The following HYDIN variants were observed in gnomAD, a reference collection of about 807,000 sequenced individuals.
HYDIN encodes HYDIN axonemal central pair apparatus protein, also known as axonemal central pair apparatus protein HYDIN.
Under a neutral mutation model 403.9 loss-of-function variants are expected in HYDIN, and 132 were observed. That is an observed-to-expected ratio of 0.33 (90% confidence interval 0.28 to 0.38). HYDIN has a LOEUF of 0.38. Among genes scored for constraint, HYDIN ranks in the 10% least tolerant of loss-of-function variants. HYDIN has a pLI of 1.00. For synonymous variants in HYDIN, 1,202 were observed against 1,891.7 expected (o/e 0.64, Z 9.46); for missense variants, 2,827 against 5,009.5 (o/e 0.56, Z 13.15).
At position 71,178,966 on chromosome 16, in the gene HYDIN, C is replaced by G. The variant is rs1188240047; in HGVS notation, c.343G>C (p.Val115Leu). The G allele has an allele frequency of 6.2e-7, 1 of 1,612,264 alleles. No homozygotes were observed. The highest frequency in any genetic ancestry group is 1.3e-5 in the African/African-American group (1 of 74,866). ...IIFQNYTPCE[V>L]YEVPLILRNN... ...CTCAAAATCAGTGGAACTTCATAGA[C>G]TTCACAGGGAGTGTAGTTCTGAAAT... The change falls in exon 4 of 86, where the codon GTC becomes CTC. Residue 115 changes from valine (V) to leucine (L), a missense_variant. Physicochemically the swap from Val to Leu is conservative, Grantham distance 32 (BLOSUM62 1). Transcript: ENST00000393567.
intron 75 of HYDIN, among the ~76,000 whole-genome samples, chr16:70,841,312 G>C (rs1228008812): frequency 6.6e-6 from 1 of 152,166 alleles, no homozygotes; most frequent in South Asian, 2.1e-4. Context: ...AGAGTAGAAA[G>C]ATCTTGTAAC....
chr16:71,007,669 A>T (rs1399928913), intron 23 of HYDIN, among the ~76,000 whole-genome samples: 36 of 135,288 alleles, frequency 2.7e-4, no homozygotes, highest in Non-Finnish European at 1.1e-4. Flanking sequence ...GGTGAGGCAG[A>T]GGAAAAAAGG....
At chr16:71,041,253 G>A (rs1352688385) in intron 18 of HYDIN, among the ~76,000 whole-genome samples, 2 of 149,008 alleles carry the variant, frequency 1.3e-5, no homozygotes, top group Admixed American at 6.7e-5. Flanking sequence ...AAGAATCTAG[G>A]AGTGATATTT....
At chr16:71,102,307 T>C (rs2083480939) in intron 10 of HYDIN, among the ~76,000 whole-genome samples, 1 of 152,072 alleles carries the variant, frequency 6.6e-6, no homozygotes, top group African/African-American at 2.4e-5. Context: ...ATTCCTTATA[T>C]CTTAACTATA....
At chr16:70,961,190 G>A (rs1030815585) in intron 38 of HYDIN, among the ~76,000 whole-genome samples, 19 of 152,188 alleles carry the variant, frequency 1.2e-4, no homozygotes, top group Admixed American at 3.3e-4. Flanking sequence ...CAGGGTGTAT[G>A]GGGTGGGGAG....
chr16:70,897,625 A>G (rs2076242525), intron 53 of HYDIN, among the ~76,000 whole-genome samples: 1 of 144,072 alleles, frequency 6.9e-6, no homozygotes, highest in Non-Finnish European at 1.5e-5. Context: ...GGTCGGAGGC[A>G]GTGGGGAGGC....
At chr16:71,133,044 T>C in intron 8 of HYDIN, 1 of 341,902 alleles carries the variant, frequency 2.9e-6, no homozygotes, top group Non-Finnish European at 5.7e-6. Context: ...ACAAATGGTC[T>C]AGTAGCTACC....
intron 67 of HYDIN, 28 bp from the exon 68 acceptor site, chr16:70,863,210 A>C (rs79973256): frequency 6.2e-7 from 1 of 1,605,654 alleles, no homozygotes. Context: ...AGCAGATTTG[A>C]GAAATGTGCT....
intron 18 of HYDIN, among the ~76,000 whole-genome samples, chr16:71,054,085 T>C (rs1291415405): frequency 2.0e-5 from 3 of 152,264 alleles, no homozygotes; most frequent in Non-Finnish European, 1.5e-5. Context: ...GGAGTGGGTA[T>C]GTGTTGAGAA....
At position 71,093,929 on chromosome 16, in the gene HYDIN, T is replaced by C. The variant is rs2083194520; in HGVS notation, c.1334A>G (p.Glu445Gly). 1 of 1,613,282 alleles carries C rather than the reference T, an allele frequency of 6.2e-7. No homozygotes were observed. The highest frequency in any genetic ancestry group is 1.1e-5 in the South Asian group (1 of 90,944). The change falls in exon 11 of 86, where the codon GAA (glutamate) becomes GGA (glycine). Residue 445 changes from glutamate (E) to glycine (G), a missense_variant. Physicochemically the swap from Glu to Gly is moderately conservative, Grantham distance 98. Coordinates refer to ENST00000393567, the MANE Select transcript of HYDIN (RefSeq NM_001270974.2). ...TTTGATTCGGAGGGGCAGACGGATT[T>C]CTCGGCCTAGAAAAACAATTCAGAC... is the stretch of plus-strand genomic sequence containing the variant. ...QTIYCDILGR[E>G]IRLPLRIKGE...
intron 1 of HYDIN, among the ~76,000 whole-genome samples, chr16:71,212,174 G>A (rs2088627903): frequency 6.6e-6 from 1 of 152,114 alleles, no homozygotes; most frequent in African/African-American, 2.4e-5. Flanking sequence ...ATATGAATAT[G>A]GATTGTAAAT....
At chr16:71,063,951 G>A (rs1597686266) in intron 16 of HYDIN, among the ~76,000 whole-genome samples, 2 of 141,460 alleles carry the variant, frequency 1.4e-5, no homozygotes, top group African/African-American at 2.5e-5. Context: ...AATTCTCTGC[G>A]GCAGCCTAAA....
chr16:71,195,761 AAAAG>A (rs1481889487), intron 1 of HYDIN, among the ~76,000 whole-genome samples: 4 of 152,216 alleles, frequency 2.6e-5, no homozygotes, highest in African/African-American at 9.6e-5. Context: ...TTAGGTAGAT[AAAAG>A]AAAGACAGAT....
intron 83 of HYDIN, among the ~76,000 whole-genome samples, chr16:70,826,211 C>T (rs2143486000): frequency 8.3e-6 from 1 of 121,018 alleles, no homozygotes; most frequent in Middle Eastern, 3.6e-3. Context: ...GTCCCAATTT[C>T]TCCACATCCT....
At position 70,868,692 on chromosome 16, in the gene HYDIN, G is replaced by A; in HGVS notation, c.11188C>T (p.Leu3730Phe). 1.2e-6 allele frequency: 2 copies of A among 1,614,156 alleles called. No homozygotes were observed. Among genetic ancestry groups the A allele is most frequent in the Non-Finnish European group, 1.7e-6 (2 of 1,180,032 alleles). ...NLKNMRIRCK[L>F]SRIMFQLPAD... ...GGGAGCTGAAACATAATCCTGGAGA[G>A]CTTGCACCTGATCCGCATATTCTTT... is the stretch of plus-strand genomic sequence containing the variant. Residue 3730 changes from leucine (L) to phenylalanine (F), a missense_variant, in exon 66 of 86, where the codon CTC (leucine) becomes TTC (phenylalanine). Transcript: ENST00000393567.
At chr16:70,939,391 T>C (rs1212744855) in intron 43 of HYDIN, among the ~76,000 whole-genome samples, 1 of 152,236 alleles carries the variant, frequency 6.6e-6, no homozygotes, top group Non-Finnish European at 1.5e-5. Flanking sequence ...TTACCACTTC[T>C]CATTTTCCCC....
At chr16:71,207,662 T>C (rs2088370459) in intron 1 of HYDIN, among the ~76,000 whole-genome samples, 1 of 152,190 alleles carries the variant, frequency 6.6e-6, no homozygotes, top group Non-Finnish European at 1.5e-5. Context: ...AATGGTATGC[T>C]GTCTTCAAGA....
chr16:71,175,471 T>C, intron 5 of HYDIN, 136 bp downstream of exon 5: 1 of 916,006 alleles, frequency 1.1e-6, no homozygotes, highest in Non-Finnish European at 1.7e-6. Context: ...ACAACACAAA[T>C]GTCAATACCA....
chr16:70,955,276 G>A, intron 40 of HYDIN, 99 bp downstream of exon 40: 1 of 697,766 alleles, frequency 1.4e-6, no homozygotes, highest in Non-Finnish European at 2.3e-6. Flanking sequence ...CTTCAACCAG[G>A]CTGTGGGAGG....
Sources: allele counts gnomAD v4.1 joint callset (sites outside exome capture counted in the v4.1 genomes callset), GRCh38; gene constraint gnomAD v4.1.1; transcripts MANE v1.5; gene names NCBI Gene and HGNC (gene_info 2026-07-23, HGNC 2026-07-21).